The following LCORL variants were observed in gnomAD, a reference collection of about 807,000 sequenced individuals.
LCORL encodes ligand dependent nuclear receptor corepressor like, also known as ligand-dependent nuclear receptor corepressor-like protein.
In LCORL, 41 loss-of-function variants were observed where a neutral mutation model predicts 141.8. The ratio of observed to expected loss-of-function variants is 0.29; its 90% CI spans 0.23 to 0.38. LCORL has a LOEUF of 0.38. LCORL is among the 10% of genes least tolerant of loss of function. The pLI is 1.00. For synonymous variants in LCORL, 618 were observed against 694.1 expected (o/e 0.89, Z 1.72); for missense variants, 1,759 against 2,035.0 (o/e 0.86, Z 2.61).
chr4:17,978,579 C>CAAA (rs202146842), intron 1 of LCORL, among the ~76,000 whole-genome samples: 23,347 of 124,758 alleles, frequency 0.19, 2,078 homozygotes, highest in South Asian at 0.3. Flanking sequence ...GACCTTGTCT[C>CAAA]AAAAAAAAAA....
At chr4:17,857,346 G>A (rs1457260597) in intron 7 of LCORL, among the ~76,000 whole-genome samples, 1 of 152,130 alleles carries the variant, frequency 6.6e-6, no homozygotes, top group Admixed American at 6.5e-5. Context: ...ACTGATCAGT[G>A]GATAAGTATT....
intron 4 of LCORL, among the ~76,000 whole-genome samples, chr4:17,923,503 G>A (rs1000415659): frequency 9.9e-5 from 15 of 152,102 alleles, no homozygotes; most frequent in South Asian, 4.1e-4. Flanking sequence ...AAAATTAGCC[G>A]GGTGTGGTGG....
rs141887084 is a variant in LCORL, at chr4:17,920,739, T to A, written c.431-11394A>T. On this transcript the variant is annotated intron_variant, in intron 4 of 7. Coordinates refer to ENST00000635767, the Ensembl canonical transcript of LCORL. The stretch of plus-strand genomic sequence containing the variant: ...ATTTCAACAATGCTCACAGCATCTT[T>A]GCCAGAAGTAAATTCCCTCTCAGGA... Among the ~76,000 whole-genome samples the A allele has an allele frequency of 5.3e-3, 806 of 152,362 alleles. 12 individuals carry two copies. The highest frequency in any genetic ancestry group is 0.017 in the South Asian group (81 of 4,828).
intron 7 of LCORL, among the ~76,000 whole-genome samples, chr4:17,846,495 CT>C (rs1165593865): frequency 2.0e-5 from 3 of 152,052 alleles, no homozygotes; most frequent in South Asian, 4.1e-4. Context: ...TCTGATGAGG[CT>C]GGAAAAACAT....
chr4:17,886,136 T>C (rs1372725714), exon 6 of LCORL: 2 of 1,603,982 alleles, frequency 1.2e-6, no homozygotes, highest in Admixed American at 3.4e-5. Context: ...TGGTTTTCTT[T>C]GTAGAGAGAT....
intron 4 of LCORL, among the ~76,000 whole-genome samples, chr4:17,948,756 A>T (rs543689809): frequency 6.6e-6 from 1 of 152,062 alleles, no homozygotes; most frequent in African/African-American, 2.4e-5. Flanking sequence ...CTGACTTATT[A>T]TACCTTCCTC....
At chr4:17,966,250 C>T (rs1163487750) in intron 2 of LCORL, among the ~76,000 whole-genome samples, 4 of 151,966 alleles carry the variant, frequency 2.6e-5, no homozygotes, top group Non-Finnish European at 5.9e-5. Flanking sequence ...AAATAAACCT[C>T]CAGACAAATC....
intron 4 of LCORL, among the ~76,000 whole-genome samples, chr4:17,956,314 C>T (rs2109569063): frequency 6.6e-6 from 1 of 152,158 alleles, no homozygotes; most frequent in Non-Finnish European, 1.5e-5. Flanking sequence ...TGGGTATCTA[C>T]CCAAAGGAAA....
chr4:17,873,945 T>G (rs1040731272), exon 7 of LCORL: 1 of 1,234,020 alleles, frequency 8.1e-7, no homozygotes, highest in Non-Finnish European at 1.0e-6. Context: ...AAAACTAGCA[T>G]GTATTTTGAA....
intron 1 of LCORL, among the ~76,000 whole-genome samples, chr4:17,984,385 A>C (rs114347644): frequency 1.3e-5 from 2 of 152,072 alleles, no homozygotes; most frequent in African/African-American, 4.8e-5. Flanking sequence ...TCGGCTGTGA[A>C]TCTATCTGGT....
intron 1 of LCORL, among the ~76,000 whole-genome samples, chr4:18,019,024 T>G (rs745602768): frequency 2.0e-5 from 3 of 152,174 alleles, no homozygotes; most frequent in Non-Finnish European, 4.4e-5. Context: ...TTAATCCCAA[T>G]TCACACTATA....
At chr4:17,967,903 G>A (rs983691795) in intron 2 of LCORL, among the ~76,000 whole-genome samples, 6 of 151,152 alleles carry the variant, frequency 4.0e-5, no homozygotes, top group African/African-American at 1.2e-4. Flanking sequence ...TGTTGCCCAG[G>A]CTGGAGTGCA....
chr4:17,923,064 G>A (rs1294919037), intron 4 of LCORL, among the ~76,000 whole-genome samples: 4 of 152,132 alleles, frequency 2.6e-5, no homozygotes, highest in South Asian at 2.1e-4. Context: ...CTAAAGTCCC[G>A]GCAGGCCCCT....
At position 17,873,434 on chromosome 4, in the gene LCORL, CTG is replaced by C. The variant is rs1726584038; in HGVS notation, c.5554_5555del (p.Gln1852ValfsTer76). ...TTGCCATTTGTCCACTGTTGCAAGA[CTG>C]TCGTTTATGTCTTTTTGTTGACATT... On this transcript the variant is annotated frameshift_variant, in exon 7 of 8. Coordinates refer to ENST00000635767, the Ensembl canonical transcript of LCORL. LOFTEE classifies it high-confidence loss of function. 8.1e-7 allele frequency: 1 copy of C among 1,233,830 alleles called. No individual in the cohort carries two copies. The highest frequency in any genetic ancestry group is 1.0e-6 in the Non-Finnish European group (1 of 987,826). The allele number at this position is 1,233,830 out of a possible 1,614,324, so 76.4% of individuals were successfully genotyped here. A position where few individuals can be genotyped will look rare whatever the true frequency, so the allele number is the denominator to read the frequency against.
intron 7 of LCORL, among the ~76,000 whole-genome samples, chr4:17,861,317 A>T (rs1278681063): frequency 6.6e-6 from 1 of 152,212 alleles, no homozygotes; most frequent in Non-Finnish European, 1.5e-5. Context: ...CAGGCTCAAC[A>T]GCATGTGGAA....
chr4:18,009,805 A>G lies in LCORL; in HGVS notation c.154+11793T>C, dbSNP rs1723402252. On this transcript the variant is annotated intron_variant, in intron 1 of 7. Transcript: ENST00000635767. ...ATACCCTGCCTTAGCATGCCTTCCAATGGAGAGGTGCTCCTTACCCTTCAT... is the reference window on the plus strand; with the variant it reads ...ATACCCTGCCTTAGCATGCCTTCCAGTGGAGAGGTGCTCCTTACCCTTCAT... Among the ~76,000 whole-genome samples the G allele has an allele frequency of 2.6e-5, 4 of 151,784 alleles. No individual in the cohort carries two copies. In the South Asian group the frequency reaches 8.3e-4, roughly 32 times the overall value.
intron 1 of LCORL, among the ~76,000 whole-genome samples, chr4:17,973,758 T>C (rs551142430): frequency 1.3e-5 from 2 of 152,142 alleles, no homozygotes; most frequent in South Asian, 2.1e-4. Context: ...TTAATACTTC[T>C]ATAGAAATAT....
At chr4:18,004,623 T>C (rs1191825502) in intron 1 of LCORL, among the ~76,000 whole-genome samples, 1 of 152,098 alleles carries the variant, frequency 6.6e-6, no homozygotes, top group Non-Finnish European at 1.5e-5. Flanking sequence ...AGCCAAACCA[T>C]ATCATTCCAC....
chr4:17,885,387 C>A (rs981330574), intron 6 of LCORL, among the ~76,000 whole-genome samples: 1 of 151,876 alleles, frequency 6.6e-6, no homozygotes, highest in African/African-American at 2.4e-5. Context: ...GCTTACTATA[C>A]CTTACGACTC....
Sources: allele counts gnomAD v4.1 joint callset (sites outside exome capture counted in the v4.1 genomes callset), GRCh38; gene constraint gnomAD v4.1.1; transcripts MANE v1.5; gene names NCBI Gene and HGNC (gene_info 2026-07-23, HGNC 2026-07-21).